Variants in TESMIN observed in about 807,000 individuals in gnomAD.
The protein encoded by TESMIN is testis expressed metallothionein like protein.
TESMIN carries 34 observed loss-of-function variants against 47.4 expected under a neutral mutation model. The ratio of observed to expected loss-of-function variants is 0.72; its 90% CI spans 0.55 to 0.96. TESMIN has a LOEUF of 0.96. TESMIN is among the 40% of genes least tolerant of loss of function. The probability of loss-of-function intolerance (pLI) is 0.00; values close to 1 mark genes in which losing one functional copy is unlikely to be tolerated. For synonymous variants in TESMIN, 278 were observed against 258.9 expected (o/e 1.07, Z -0.71); for missense variants, 610 against 637.2 (o/e 0.96, Z 0.46).
At chr11:68,711,980 C>T (rs1032537325) in intron 8 of TESMIN, among the ~76,000 whole-genome samples, 3 of 152,222 alleles carry the variant, frequency 2.0e-5, no homozygotes, top group African/African-American at 4.8e-5. Flanking sequence ...TTTCCTTCAG[C>T]CCCCCGGGGA....
rs1409446693 is a variant in TESMIN at position 68,707,767 on chromosome 11, T to TA, written c.*540dup. ...GACAGTTCGCGTGCCTCTGGGGAAA[T>TA]ATCTACGCTACAGAAAATCTTTAGG... On this transcript the variant is annotated 3_prime_UTR_variant, in exon 10 of 10. Transcript: ENST00000255087. 1 of 452,402 alleles carries TA rather than the reference T, an allele frequency of 2.2e-6. No homozygotes were observed. The highest frequency in any genetic ancestry group is 4.5e-6 in the Non-Finnish European group (1 of 224,036). 28.0% of individuals were successfully genotyped at this position (452,402 alleles called of 1,614,324 possible). A position where few individuals can be genotyped will look rare whatever the true frequency, so the allele number is the denominator to read the frequency against.
Position 68,742,868 on chromosome 11 carries a change from CT to C in TESMIN, c.752-475del, listed in dbSNP as rs1164306131. On this transcript the variant is annotated intron_variant, in intron 4 of 9. Coordinates refer to ENST00000255087, the MANE Select transcript of TESMIN (RefSeq NM_004923.3). ...AGCTTCGCTGGATATTTTATGTTTT[CT>C]TTTTTTTTTTTCTTTTTGCTTTTTT... Among the ~76,000 whole-genome samples the C allele has an allele frequency of 5.2e-3, 757 of 146,248 alleles. 5 individuals carry two copies. The highest frequency in any genetic ancestry group is 0.016 in the African/African-American group (641 of 40,148).
downstream of TESMIN, among the ~76,000 whole-genome samples, chr11:68,705,271 T>G (rs1011895927): frequency 8.5e-5 from 13 of 152,262 alleles, no homozygotes; most frequent in Admixed American, 4.6e-4. Flanking sequence ...CATTTTATCT[T>G]GGATGAGGGT....
In TESMIN at chr11:68,708,291, C is replaced by T; in HGVS notation, c.*17G>A. 19 of 1,556,862 alleles carry T rather than the reference C, an allele frequency of 1.2e-5. No homozygotes were observed. The highest frequency in any genetic ancestry group is 1.6e-5 in the Non-Finnish European group (18 of 1,149,886). ...TCTAGACTAAGACAAAATCAACATG[C>T]ATTCACACTTTATACTCTACTCCAT... On this transcript the variant is annotated 3_prime_UTR_variant, in exon 10 of 10. Transcript: ENST00000255087.
At chr11:68,749,443 G>C (rs1371002930) in intron 2 of TESMIN, among the ~76,000 whole-genome samples, 3 of 152,234 alleles carry the variant, frequency 2.0e-5, no homozygotes, top group Non-Finnish European at 4.4e-5. Flanking sequence ...TCATGGATGA[G>C]TGGTCTCGTT....
chr11:68,743,642 A>G (rs1456882705), intron 4 of TESMIN, among the ~76,000 whole-genome samples: 1 of 152,148 alleles, frequency 6.6e-6, no homozygotes, highest in Non-Finnish European at 1.5e-5. Context: ...ACTACTTAGT[A>G]CTGGAACTGA....
chr11:68,737,334 G>GAAACTGAA (rs1358299315), intron 6 of TESMIN: 1 of 985,430 alleles, frequency 1.0e-6, no homozygotes. Context: ...ACAGCTGAAA[G>GAAACTGAA]AGCCACTGCA....
rs114974756 is a variant in TESMIN, at chr11:68,726,128, C to T, written c.918-10189G>A. 9.7e-3 allele frequency among the ~76,000 whole-genome samples: 1,475 copies of T among 152,198 alleles called. 24 individuals carry two copies. Among genetic ancestry groups the T allele is most frequent in the African/African-American group, 0.034 (1,418 of 41,486 alleles). ...GTGCTTTACGTATATTAACCCCAGT[C>T]GAAGGCACACTCAGGGTAGAAGGTC... On this transcript the variant is annotated intron_variant, in intron 6 of 9. Coordinates refer to ENST00000255087, the MANE Select transcript of TESMIN (RefSeq NM_004923.3).
rs1946585017 is a variant in TESMIN at position 68,750,672 on chromosome 11, G to A, written c.-12C>T. On this transcript the variant is annotated 5_prime_UTR_variant, in exon 2 of 10. Transcript: ENST00000255087. ...GGGCCCTCCTCCATGGCGCAGGGCGGCGGGGCGGGATGGCGGGGGCCGCGC... is the reference window on the plus strand; with the variant it reads ...GGGCCCTCCTCCATGGCGCAGGGCGACGGGGCGGGATGGCGGGGGCCGCGC... 2.7e-6 allele frequency: 4 copies of A among 1,495,314 alleles called. No homozygotes were observed. Among genetic ancestry groups the A allele is most frequent in the Admixed American group, 2.2e-5 (1 of 46,248 alleles). The allele number at this position is 1,495,314 out of a possible 1,614,324, so 92.6% of individuals were successfully genotyped here. A position where few individuals can be genotyped will look rare whatever the true frequency, so the allele number is the denominator to read the frequency against.
At chr11:68,714,459 G>A (rs1234202871) in intron 7 of TESMIN, among the ~76,000 whole-genome samples, 3 of 152,216 alleles carry the variant, frequency 2.0e-5, no homozygotes, top group East Asian at 3.8e-4. Flanking sequence ...CCTCCTCAGC[G>A]GTGCACCCCC....
intron 6 of TESMIN, among the ~76,000 whole-genome samples, chr11:68,723,309 T>C (rs968462297): frequency 1.6e-4 from 25 of 151,678 alleles, no homozygotes; most frequent in African/African-American, 5.8e-4. Context: ...CACTATGAAA[T>C]GTACATCTAA....
At chr11:68,707,295 A>G (rs1443085370), downstream of TESMIN, 1 of 153,780 alleles carries the variant, frequency 6.5e-6, no homozygotes, top group Non-Finnish European at 1.4e-5. Flanking sequence ...TCTCTGCTGC[A>G]TTTGTACTTG....
At position 68,750,561 on chromosome 11, in the gene TESMIN, C is replaced by A. The variant is rs527656530; in HGVS notation, c.100G>T (p.Gly34Cys). The A allele has an allele frequency of 1.9e-6, 3 of 1,607,540 alleles. No individual in the cohort carries two copies. The highest frequency in any genetic ancestry group is 2.2e-5 in the East Asian group (1 of 44,582). ...TCGTACTTCACGGGGGCCTTCAGGC[C>A]GATGTTCTCCGAAGCGAACGGACCC... The part of the protein sequence containing the change: ...PEGPFASENI[G>C]LKAPVKYEED... Residue 34 changes from glycine (G) to cysteine (C), a missense_variant, in exon 2 of 10, where the codon GGC (glycine) becomes TGC (cysteine). Coordinates refer to ENST00000255087, the MANE Select transcript of TESMIN (RefSeq NM_004923.3).
rs1946579864 is a variant in TESMIN, at chr11:68,750,468, G to A, written c.193C>T (p.His65Tyr). ...GPADPKEPVL[H>Y]AFNPALGADC... ...GCGCCCAGCGCGGGGTTGAACGCGT[G>A]CAGGACGGGTTCCTTGGGGTCCGCC... The change falls in exon 2 of 10, where the codon CAC becomes TAC. Residue 65 changes from histidine to tyrosine, a missense_variant. By Grantham distance (83) the His-to-Tyr change is moderately conservative. Transcript: ENST00000255087. 1 of 1,599,416 alleles carries A rather than the reference G, an allele frequency of 6.3e-7. No individual in the cohort carries two copies. The highest frequency in any genetic ancestry group is 8.5e-7 in the Non-Finnish European group (1 of 1,173,406).
chr11:68,743,117 A>G (rs895621098), intron 4 of TESMIN, among the ~76,000 whole-genome samples: 2 of 151,962 alleles, frequency 1.3e-5, no homozygotes, highest in African/African-American at 4.8e-5. Context: ...GGCTCGAGCA[A>G]TCCTCCGGCC....
intron 6 of TESMIN, among the ~76,000 whole-genome samples, chr11:68,734,372 C>A (rs1017035013): frequency 6.6e-6 from 1 of 152,178 alleles, no homozygotes; most frequent in Non-Finnish European, 1.5e-5. Flanking sequence ...GGCAGCTGCA[C>A]ATTAAACCAT....
At chr11:68,710,672 G>A in intron 9 of TESMIN, 1 of 536,390 alleles carries the variant, frequency 1.9e-6, no homozygotes, top group Non-Finnish European at 3.2e-6. Context: ...GACAAAACAG[G>A]TTTCTGCAGC....
At chr11:68,733,378 A>G (rs1033553991) in intron 6 of TESMIN, among the ~76,000 whole-genome samples, 3 of 152,222 alleles carry the variant, frequency 2.0e-5, no homozygotes, top group Admixed American at 1.3e-4. Context: ...GATGCAAACC[A>G]AAACCCAAGA....
chr11:68,715,090 C>T (rs999595501), intron 7 of TESMIN, among the ~76,000 whole-genome samples: 1 of 152,184 alleles, frequency 6.6e-6, no homozygotes, highest in African/African-American at 2.4e-5. Flanking sequence ...ATGCAGAGAG[C>T]AGCCACACCC....
Sources: gnomAD v4.1 joint callset for allele counts (sites outside exome capture counted in the v4.1 genomes callset) on GRCh38, gnomAD v4.1.1 for gene constraint, MANE v1.5 for transcripts, NCBI Gene and HGNC (gene_info 2026-07-23, HGNC 2026-07-21) for gene names.